Variants in STK38L observed in about 807,000 individuals in gnomAD.
The protein encoded by STK38L is serine/threonine-protein kinase 38-like.
A neutral mutation model predicts 59.7 loss-of-function variants in STK38L; 28 were observed. The observed-to-expected ratio is 0.47, with a 90% CI of 0.35 to 0.64. The LOEUF (loss-of-function observed/expected upper bound fraction) is 0.64. Ranked by LOEUF, STK38L falls within the 30% of genes least tolerant of loss-of-function variation. The pLI, the probability that STK38L is intolerant of heterozygous loss-of-function variation, is 0.01. For missense variants in STK38L, 314 were observed against 555.8 expected (o/e 0.56, Z 4.37); for synonymous variants, 162 against 176.8 (o/e 0.92, Z 0.66).
In STK38L at chr12:27,322,902, A is replaced by C. The variant is rs1944764952; in HGVS notation, c.*447A>C. Reference sequence around the variant, plus strand: ...AATCTTATGGGTCTAGATAATCAGTAAAAGCCATCTTCCATAGTTGGTGTT... The same window carrying C: ...AATCTTATGGGTCTAGATAATCAGTCAAAGCCATCTTCCATAGTTGGTGTT... On this transcript the variant is annotated 3_prime_UTR_variant, in exon 14 of 14. Transcript: ENST00000389032. The C allele has an allele frequency of 6.5e-6, 1 of 152,940 alleles. No individual in the cohort carries two copies. Among genetic ancestry groups the C allele is most frequent in the South Asian group, 2.1e-4 (1 of 4,856 alleles). The allele number at this position is 152,940 out of a possible 1,614,324, so 9.5% of individuals were successfully genotyped here. A position where few individuals can be genotyped will look rare whatever the true frequency, so the allele number is the denominator to read the frequency against.
chr12:27,316,234 T>C (rs1410313844), intron 9 of STK38L, among the ~76,000 whole-genome samples: 1 of 152,248 alleles, frequency 6.6e-6, no homozygotes, highest in South Asian at 2.1e-4. Context: ...AACATTTCAG[T>C]ATTTTTAAAT....
intron 1 of STK38L, among the ~76,000 whole-genome samples, chr12:27,260,377 C>G (rs1052081500): frequency 1.3e-5 from 2 of 152,152 alleles, no homozygotes; most frequent in Non-Finnish European, 2.9e-5. Flanking sequence ...CTCATAACAT[C>G]TAGTGAAAGT....
intron 1 of STK38L, among the ~76,000 whole-genome samples, chr12:27,257,071 G>A (rs1043554163): frequency 1.3e-5 from 2 of 152,130 alleles, no homozygotes; most frequent in Non-Finnish European, 2.9e-5. Context: ...CTAGAATTAC[G>A]GGAATTTACT....
At chr12:27,279,769 C>T (rs988662883) in intron 1 of STK38L, among the ~76,000 whole-genome samples, 1 of 149,670 alleles carries the variant, frequency 6.7e-6, no homozygotes, top group African/African-American at 2.5e-5. Context: ...TTTTTCCACA[C>T]GGTTTATAAT....
chr12:27,258,649 C>G (rs917292557), intron 1 of STK38L, among the ~76,000 whole-genome samples: 15 of 152,170 alleles, frequency 9.9e-5, no homozygotes, highest in African/African-American at 3.6e-4. Context: ...TTTATGTATA[C>G]AACAGTTTTC....
In STK38L at chr12:27,325,305, GTTTCA is replaced by G. The variant is rs1300335249; in HGVS notation, c.*2854_*2858del. ...TTTGGTTGGTAAGGCCTAAGATAGG[GTTTCA>G]TTTATTTCTATACTTTTTCTGTTTT... On this transcript the variant is annotated 3_prime_UTR_variant, in exon 14 of 14. Transcript: ENST00000389032. The G allele has an allele frequency of 6.6e-6, 1 of 152,068 alleles. No individual in the cohort carries two copies. Among genetic ancestry groups the G allele is most frequent in the African/African-American group, 2.4e-5 (1 of 41,432 alleles). 9.4% of individuals were successfully genotyped at this position (152,068 alleles called of 1,614,324 possible). A position where few individuals can be genotyped will look rare whatever the true frequency, so the allele number is the denominator to read the frequency against.
intron 1 of STK38L, among the ~76,000 whole-genome samples, chr12:27,244,800 TGCCAAACATTTCTCAAGACAGAC>T (rs1942814262): frequency 6.6e-6 from 1 of 152,142 alleles, no homozygotes; most frequent in Non-Finnish European, 1.5e-5. Flanking sequence ...TGCGTCAGAT[TGCCAAACATTTCTCAAGACAGAC>T]TCAGGAAAGC....
intron 2 of STK38L, 50 bp from the exon 3 acceptor site, chr12:27,302,087 G>A: frequency 6.9e-7 from 1 of 1,442,208 alleles, no homozygotes; most frequent in East Asian, 2.3e-5. Context: ...TTCTTAAGTG[G>A]AAATAGTTAG....
At chr12:27,298,978 G>A (rs1944098363) in intron 2 of STK38L, among the ~76,000 whole-genome samples, 1 of 152,182 alleles carries the variant, frequency 6.6e-6, no homozygotes, top group African/African-American at 2.4e-5. Context: ...GAATGGTTTG[G>A]GGTCAGGGTG....
intron 12 of STK38L, 63 bp downstream of exon 12, chr12:27,319,486 T>A: frequency 9.1e-7 from 1 of 1,094,406 alleles, no homozygotes; most frequent in Non-Finnish European, 1.4e-6. Flanking sequence ...AGTTGGCAAT[T>A]AATTTACCTC....
rs1251416667 is a variant in STK38L at position 27,314,565 on chromosome 12, C to T, written c.579C>T (p.Tyr193=). Reference sequence around the variant, plus strand: ...TGACAGAAGAGGAAACACAGTTCTACATTTCAGAGACTGTTCTGGCAATAG... The same window carrying T: ...TGACAGAAGAGGAAACACAGTTCTATATTTCAGAGACTGTTCTGGCAATAG... The part of the protein sequence containing the change: ...DTLTEEETQF[Y]ISETVLAIDA... The change falls in exon 7 of 14, where the codon TAC becomes TAT. Residue 193 remains tyrosine, a synonymous_variant. Transcript: ENST00000389032. 2.5e-6 allele frequency: 4 copies of T among 1,608,026 alleles called. No homozygotes were observed. The Admixed American group carries it at 6.8e-5, about 27-fold the overall frequency.
intron 3 of STK38L, among the ~76,000 whole-genome samples, chr12:27,303,018 A>C (rs1413176111): frequency 6.6e-6 from 1 of 151,214 alleles, no homozygotes; most frequent in African/African-American, 2.4e-5. Context: ...GTCTTAAAAA[A>C]AAAAAAAAAA....
chr12:27,317,550 G>A (rs368591887), intron 10 of STK38L, 97 bp downstream of exon 10: 5 of 1,035,222 alleles, frequency 4.8e-6, no homozygotes, highest in East Asian at 4.8e-5. Context: ...AATATTTGAA[G>A]TCTTTTAAGC....
chr12:27,270,662 G>A (rs1943404357), intron 1 of STK38L, among the ~76,000 whole-genome samples: 1 of 152,084 alleles, frequency 6.6e-6, no homozygotes, highest in African/African-American at 2.4e-5. Context: ...ACAGACGTGA[G>A]CCACCGCACC....
In STK38L at chr12:27,297,686, ATTTG is replaced by A. The variant is rs1484930810; in HGVS notation, c.-11-20_-11-17del. ...TAGGGGTTTTTTTTCCCACTGAATA[ATTTG>A]TTTTTCTATGTTGTTTCAGTTTCCG... On this transcript the variant is annotated intron_variant, in intron 1 of 13. Coordinates refer to ENST00000389032, the MANE Select transcript of STK38L (RefSeq NM_015000.4). The A allele has an allele frequency of 1.3e-6, 2 of 1,582,398 alleles. No homozygotes were observed. The highest frequency in any genetic ancestry group is 2.7e-5 in the African/African-American group (2 of 73,396).
At chr12:27,249,723 T>C (rs2136599774) in intron 1 of STK38L, among the ~76,000 whole-genome samples, 1 of 152,352 alleles carries the variant, frequency 6.6e-6, no homozygotes, top group Non-Finnish European at 1.5e-5. Flanking sequence ...TTGTTGATTC[T>C]CTGGCCATTT....
At chr12:27,282,309 G>T (rs1157190765) in intron 1 of STK38L, among the ~76,000 whole-genome samples, 1 of 152,130 alleles carries the variant, frequency 6.6e-6, no homozygotes, top group East Asian at 1.9e-4. Context: ...TGTATAAGTA[G>T]AAATTATGTA....
chr12:27,277,818 TAA>T (rs890432380), intron 1 of STK38L, among the ~76,000 whole-genome samples: 1 of 147,726 alleles, frequency 6.8e-6, no homozygotes, highest in South Asian at 2.1e-4. Flanking sequence ...TTTCTCCCCT[TAA>T]AAAAAAAAGT....
intron 1 of STK38L, among the ~76,000 whole-genome samples, chr12:27,249,302 A>G (rs1942922375): frequency 6.6e-6 from 1 of 152,210 alleles, no homozygotes. Context: ...TGTCTGTGGT[A>G]TGTGATAACA....
Sources: gnomAD v4.1 joint callset for allele counts (sites outside exome capture counted in the v4.1 genomes callset) on GRCh38, gnomAD v4.1.1 for gene constraint, MANE v1.5 for transcripts, NCBI Gene and HGNC (gene_info 2026-07-23, HGNC 2026-07-21) for gene names.